Variants in LDB2 observed in about 807,000 individuals in gnomAD.
The protein encoded by LDB2 is LIM domain binding 2.
A neutral mutation model predicts 44.3 loss-of-function variants in LDB2; 12 were observed. That is an observed-to-expected ratio of 0.27 (90% CI 0.17 to 0.44). The LOEUF (loss-of-function observed/expected upper bound fraction) is 0.44, where lower values mean the gene tolerates loss of function less well. LDB2 is among the 20% of genes least tolerant of loss of function. The pLI is 1.00. For synonymous variants in LDB2, 164 were observed against 174.8 expected (o/e 0.94, Z 0.49); for missense variants, 344 against 473.5 (o/e 0.73, Z 2.54).
intron 2 of LDB2, among the ~76,000 whole-genome samples, chr4:16,660,905 A>C (rs192851158): frequency 5.3e-4 from 80 of 152,176 alleles, no homozygotes; most frequent in Non-Finnish European, 9.7e-4. Context: ...AGGCCCACCC[A>C]CTCCTAGAAA....
intron 1 of LDB2, among the ~76,000 whole-genome samples, chr4:16,771,486 C>T (rs1770670809): frequency 6.6e-6 from 1 of 152,190 alleles, no homozygotes; most frequent in Non-Finnish European, 1.5e-5. Context: ...CTCACCTCTC[C>T]ACTTCTTAAC....
chr4:16,520,847 C>T (rs761130708), intron 5 of LDB2, among the ~76,000 whole-genome samples: 3 of 152,166 alleles, frequency 2.0e-5, no homozygotes, highest in African/African-American at 7.2e-5. Context: ...CTGCTGCATC[C>T]GTTAGGCCCA....
chr4:16,693,100 T>G (rs2152606361), intron 2 of LDB2, among the ~76,000 whole-genome samples: 1 of 152,322 alleles, frequency 6.6e-6, no homozygotes, highest in South Asian at 2.1e-4. Context: ...GGGCCTTGGC[T>G]TGGCTTCAGG....
At chr4:16,885,722 G>T (rs553488526) in intron 1 of LDB2, among the ~76,000 whole-genome samples, 1 of 152,142 alleles carries the variant, frequency 6.6e-6, no homozygotes, top group Non-Finnish European at 1.5e-5. Flanking sequence ...TTACGTGCTC[G>T]CTGCCTTTTG....
chr4:16,687,654 C>G (rs968890675), intron 2 of LDB2, among the ~76,000 whole-genome samples: 10 of 152,150 alleles, frequency 6.6e-5, no homozygotes, highest in Admixed American at 6.5e-5. Context: ...TTACCCATAT[C>G]AACTAATGTG....
intron 1 of LDB2, among the ~76,000 whole-genome samples, chr4:16,802,066 G>A (rs1777931868): frequency 6.6e-6 from 1 of 152,180 alleles, no homozygotes; most frequent in African/African-American, 2.4e-5. Context: ...GCCTTGCACA[G>A]GTGAATTAGC....
chr4:16,837,288 T>C (rs1785044176), intron 1 of LDB2, among the ~76,000 whole-genome samples: 1 of 152,178 alleles, frequency 6.6e-6, no homozygotes, highest in Admixed American at 6.5e-5. Flanking sequence ...AGAACTACCA[T>C]ATATATTTAA....
intron 1 of LDB2, among the ~76,000 whole-genome samples, chr4:16,812,896 C>T (rs553689539): frequency 5.9e-5 from 9 of 151,612 alleles, no homozygotes; most frequent in East Asian, 1.9e-4. Context: ...TCTAAGATGG[C>T]GAAAAAACAA....
chr4:16,841,039 T>C (rs1225119386), intron 1 of LDB2, among the ~76,000 whole-genome samples: 1 of 151,790 alleles, frequency 6.6e-6, no homozygotes, highest in African/African-American at 2.4e-5. Context: ...CCGCATCTCA[T>C]GCAAACTCAT....
At chr4:16,816,407 C>CTT (rs1171864969) in intron 1 of LDB2, among the ~76,000 whole-genome samples, 1,576 of 120,890 alleles carry the variant, frequency 0.013, 53 homozygotes, top group African/African-American at 0.045. Context: ...CTTTTTCTTT[C>CTT]TTTTTTTTTT....
intron 1 of LDB2, among the ~76,000 whole-genome samples, chr4:16,787,539 AG>A (rs1479646647): frequency 2.0e-5 from 3 of 152,156 alleles, no homozygotes; most frequent in African/African-American, 7.2e-5. Context: ...ACTTGAACCC[AG>A]GAGGCTACGG....
intron 2 of LDB2, among the ~76,000 whole-genome samples, chr4:16,643,741 C>T (rs1024413595): frequency 4.7e-5 from 7 of 149,366 alleles, no homozygotes; most frequent in South Asian, 2.1e-4. Context: ...TTTGGTACAG[C>T]GTAATTAACG....
At chr4:16,703,155 C>G (rs1180638267) in intron 2 of LDB2, among the ~76,000 whole-genome samples, 1 of 152,098 alleles carries the variant, frequency 6.6e-6, no homozygotes, top group African/African-American at 2.4e-5. Flanking sequence ...AAACAATATT[C>G]CAGAAAGTGA....
At chr4:16,866,943 GCT>G (rs1486652230) in intron 1 of LDB2, among the ~76,000 whole-genome samples, 1 of 151,570 alleles carries the variant, frequency 6.6e-6, no homozygotes, top group Non-Finnish European at 1.5e-5. Flanking sequence ...GGTATAGGAG[GCT>G]CTGTTTCTTC....
chr4:16,820,799 A>G (rs1035965402), intron 1 of LDB2, among the ~76,000 whole-genome samples: 2 of 152,250 alleles, frequency 1.3e-5, no homozygotes, highest in African/African-American at 4.8e-5. Context: ...ATTTTTCTGC[A>G]CAGTACATAC....
intron 2 of LDB2, among the ~76,000 whole-genome samples, chr4:16,754,045 C>A (rs1347918882): frequency 6.6e-6 from 1 of 152,170 alleles, no homozygotes; most frequent in Non-Finnish European, 1.5e-5. Flanking sequence ...ACAGAAAGTG[C>A]TCTGAAACAA....
At position 16,732,312 on chromosome 4, in the gene LDB2, C is replaced by T. The variant is rs971634435; in HGVS notation, c.235+26846G>A. On this transcript the variant is annotated intron_variant, in intron 2 of 7. Transcript: ENST00000304523. ...CCCTAAAATGGTAAAGGACAATGCTCCAGCACTCACAATAACAATGCATTC... is the reference window on the plus strand; with the variant it reads ...CCCTAAAATGGTAAAGGACAATGCTTCAGCACTCACAATAACAATGCATTC... Among the ~76,000 whole-genome samples, 6 of 152,146 alleles carry T rather than the reference C, an allele frequency of 3.9e-5. No homozygotes were observed. The South Asian group carries it at 8.3e-4, about 21-fold the overall frequency.
At chr4:16,865,404 G>A (rs1163376935) in intron 1 of LDB2, among the ~76,000 whole-genome samples, 1 of 152,108 alleles carries the variant, frequency 6.6e-6, no homozygotes, top group Admixed American at 6.6e-5. Flanking sequence ...AATAAGCATG[G>A]GAACGTTCCC....
chr4:16,550,173 A>G (rs1048146623), intron 5 of LDB2, among the ~76,000 whole-genome samples: 1 of 152,150 alleles, frequency 6.6e-6, no homozygotes, highest in Non-Finnish European at 1.5e-5. Context: ...ACTTTGAAGG[A>G]TTGTATTTAT....
Sources: gnomAD v4.1 joint callset for allele counts (sites outside exome capture counted in the v4.1 genomes callset) on GRCh38, gnomAD v4.1.1 for gene constraint, MANE v1.5 for transcripts, NCBI Gene and HGNC (gene_info 2026-07-23, HGNC 2026-07-21) for gene names.